Variants in NOTCH2 observed in about 807,000 individuals in gnomAD.
NOTCH2 encodes notch receptor 2.
In NOTCH2, 29 loss-of-function variants were observed where a neutral mutation model predicts 235.8. The observed-to-expected ratio is 0.12, with a 90% CI of 0.09 to 0.17. The LOEUF is 0.17. Ranked by LOEUF, NOTCH2 falls within the 10% of genes least tolerant of loss-of-function variation. The probability of loss-of-function intolerance (pLI) is 1.00; values close to 1 mark genes in which losing one functional copy is unlikely to be tolerated. For missense variants in NOTCH2, 2,285 were observed against 3,150.2 expected (o/e 0.73, Z 6.57); for synonymous variants, 1,086 against 1,141.5 (o/e 0.95, Z 0.98).
chr1:119,965,269 G>A (rs1275402922), intron 10 of NOTCH2, among the ~76,000 whole-genome samples, 184 bp downstream of exon 10: 3 of 152,232 alleles, frequency 2.0e-5, no homozygotes, highest in African/African-American at 7.2e-5. Flanking sequence ...CTGTTGTGGT[G>A]GAGGAGGCAG....
chr1:120,025,898 T>C (rs1553209803), intron 2 of NOTCH2, among the ~76,000 whole-genome samples: 1 of 121,638 alleles, frequency 8.2e-6, no homozygotes, highest in Non-Finnish European at 1.6e-5. Flanking sequence ...AACTTGAAAG[T>C]GATTAATGAC....
chr1:120,028,577 T>G (rs1653965006), intron 2 of NOTCH2, among the ~76,000 whole-genome samples: 1 of 145,240 alleles, frequency 6.9e-6, no homozygotes, highest in African/African-American at 2.5e-5. Flanking sequence ...GCTTAAAATA[T>G]TTTCACTTTA....
At chr1:119,932,697 T>A (rs1649713359) in intron 22 of NOTCH2, among the ~76,000 whole-genome samples, 1 of 152,104 alleles carries the variant, frequency 6.6e-6, no homozygotes, top group Non-Finnish European at 1.5e-5. Flanking sequence ...TGAAAATATC[T>A]CCAATTAAGT....
At chr1:120,006,292 G>T (rs879998321) in intron 2 of NOTCH2, among the ~76,000 whole-genome samples, 1 of 152,126 alleles carries the variant, frequency 6.6e-6, no homozygotes, top group Non-Finnish European at 1.5e-5. Context: ...AAATAAAAAG[G>T]CACAAAATAT....
intron 14 of NOTCH2, 109 bp downstream of exon 14, chr1:119,953,434 G>T: frequency 3.3e-6 from 4 of 1,199,394 alleles, no homozygotes; most frequent in South Asian, 2.4e-5. Flanking sequence ...CAATATGTTT[G>T]TTACACGAAT....
At chr1:119,971,192 A>T (rs1651346301) in intron 5 of NOTCH2, among the ~76,000 whole-genome samples, 1 of 152,152 alleles carries the variant, frequency 6.6e-6, no homozygotes, top group Non-Finnish European at 1.5e-5. Context: ...TCTGTCTCCC[A>T]CTACTTGGCT....
At chr1:119,929,823 T>C (rs587751111) in intron 22 of NOTCH2, among the ~76,000 whole-genome samples, 2 of 152,354 alleles carry the variant, frequency 1.3e-5, no homozygotes, top group African/African-American at 4.8e-5. Context: ...TCACATTCAC[T>C]TACCATTCAC....
At chr1:119,919,982 A>G (rs1649216167) in intron 30 of NOTCH2, among the ~76,000 whole-genome samples, 1 of 152,246 alleles carries the variant, frequency 6.6e-6, no homozygotes, top group Non-Finnish European at 1.5e-5. Flanking sequence ...ATCCCACTAC[A>G]ATCTAACCCA....
chr1:119,982,725 A>T (rs587749635), intron 5 of NOTCH2, among the ~76,000 whole-genome samples: 45 of 152,368 alleles, frequency 3.0e-4, no homozygotes, highest in African/African-American at 1.1e-3. Flanking sequence ...AAAGAAGTAA[A>T]TCATCTCCCC....
At chr1:119,946,709 A>C (rs1650267199) in intron 17 of NOTCH2, among the ~76,000 whole-genome samples, 1 of 152,094 alleles carries the variant, frequency 6.6e-6, no homozygotes, top group Non-Finnish European at 1.5e-5. Flanking sequence ...CCTATAGGTA[A>C]CATCTCACTT....
chr1:119,925,965 C>T (rs182131251), intron 24 of NOTCH2, among the ~76,000 whole-genome samples, 155 bp from the exon 25 acceptor site: 1 of 152,336 alleles, frequency 6.6e-6, no homozygotes. Context: ...TTTGGTATCT[C>T]CCGAGGCATA....
intron 12 of NOTCH2, 133 bp downstream of exon 12, chr1:119,959,259 G>A: frequency 1.5e-6 from 1 of 688,222 alleles, no homozygotes; most frequent in East Asian, 2.7e-5. Context: ...ATCTAGAGAA[G>A]CAGAGAAACA....
At chr1:120,011,070 C>G (rs1553206889) in intron 2 of NOTCH2, among the ~76,000 whole-genome samples, 1 of 152,090 alleles carries the variant, frequency 6.6e-6, no homozygotes, top group Non-Finnish European at 1.5e-5. Context: ...ATATGCAAAA[C>G]CGTAGAGATA....
At chr1:119,976,661 C>T (rs1465667729) in intron 5 of NOTCH2, among the ~76,000 whole-genome samples, 2 of 152,094 alleles carry the variant, frequency 1.3e-5, no homozygotes, top group Non-Finnish European at 1.5e-5. Context: ...CTCGCTTGTT[C>T]AAATCCTTTG....
chr1:120,033,131 A>C (rs1189304216), intron 1 of NOTCH2, among the ~76,000 whole-genome samples: 1 of 143,548 alleles, frequency 7.0e-6, no homozygotes, highest in East Asian at 2.0e-4. Context: ...GGATAAATAA[A>C]AGGTGGTAGA....
At chr1:119,984,591 T>A (rs1651940818) in intron 5 of NOTCH2, among the ~76,000 whole-genome samples, 2 of 152,150 alleles carry the variant, frequency 1.3e-5, no homozygotes, top group South Asian at 4.1e-4. Context: ...ATACATCTAA[T>A]ATCAGTAGAA....
At chr1:119,953,497 C>G (rs1553198043) in intron 14 of NOTCH2, 46 bp downstream of exon 14, 2 of 1,607,450 alleles carry the variant, frequency 1.2e-6, no homozygotes, top group Admixed American at 3.3e-5. Context: ...TATGCAACAA[C>G]AAGAAGACAA....
At chr1:120,065,992 A>G (rs1655490965) in intron 1 of NOTCH2, among the ~76,000 whole-genome samples, 2 of 151,500 alleles carry the variant, frequency 1.3e-5, no homozygotes, top group Admixed American at 1.3e-4. Flanking sequence ...GGGTCAAAAA[A>G]CAACATGTAT....
intron 20 of NOTCH2, 132 bp from the exon 21 acceptor site, chr1:119,937,598 T>C (rs1649905556): frequency 2.2e-6 from 2 of 894,174 alleles, no homozygotes; most frequent in Non-Finnish European, 3.6e-6. Context: ...TTCACAACCC[T>C]CAGTACCAGA....
Sources: allele counts gnomAD v4.1 joint callset (sites outside exome capture counted in the v4.1 genomes callset), GRCh38; gene constraint gnomAD v4.1.1; transcripts MANE v1.5; gene names NCBI Gene and HGNC (gene_info 2026-07-23, HGNC 2026-07-21).